MPHOSPH6: variants seen among roughly 807,000 people sequenced by gnomAD.
MPHOSPH6 encodes the protein M-phase phosphoprotein 6.
In MPHOSPH6, 25 loss-of-function variants were observed where a neutral mutation model predicts 21.8. The ratio of observed to expected loss-of-function variants is 1.15; its 90% CI spans 0.83 to 1.60. The LOEUF is 1.60. Ranked by LOEUF, MPHOSPH6 falls within the 40% of genes most tolerant of loss-of-function variation. The pLI is 0.00. For missense variants in MPHOSPH6, 269 were observed against 181.8 expected (o/e 1.48, Z -2.76); for synonymous variants, 84 against 56.5 (o/e 1.49, Z -2.18).
At position 82,155,857 on chromosome 16, in the gene MPHOSPH6, A is replaced by G. The variant is rs569525099; in HGVS notation, c.165-4343T>C. On this transcript the variant is annotated intron_variant, in intron 2 of 4. Coordinates refer to ENST00000258169, the MANE Select transcript of MPHOSPH6 (RefSeq NM_005792.2). ...GAGGTGGAGGTTGCGGTGAGCCAAG[A>G]TTGCGCCACTGCACTCCAGCCTGGG... Among the ~76,000 whole-genome samples the G allele has an allele frequency of 1.4e-4, 21 of 151,736 alleles. No individual in the cohort carries two copies. The South Asian group carries it at 4.4e-3, about 32-fold the overall frequency.
At chr16:82,165,512 A>T (rs1906745280) in intron 1 of MPHOSPH6, among the ~76,000 whole-genome samples, 1 of 152,222 alleles carries the variant, frequency 6.6e-6, no homozygotes, top group African/African-American at 2.4e-5. Flanking sequence ...CTACTAAGTT[A>T]AATGAAAAAA....
At chr16:82,168,813 A>C (rs1035961294) in intron 1 of MPHOSPH6, among the ~76,000 whole-genome samples, 1 of 152,132 alleles carries the variant, frequency 6.6e-6, no homozygotes, top group African/African-American at 2.4e-5. Context: ...CCTCTTTTGG[A>C]AATTCCACCT....
intron 2 of MPHOSPH6, among the ~76,000 whole-genome samples, chr16:82,163,585 G>A (rs1251737901): frequency 6.6e-6 from 1 of 152,220 alleles, no homozygotes; most frequent in Non-Finnish European, 1.5e-5. Context: ...CAGATGTAAA[G>A]TGTTTAGCCC....
chr16:82,156,354 G>A (rs111773748), intron 2 of MPHOSPH6, among the ~76,000 whole-genome samples: 113 of 152,186 alleles, frequency 7.4e-4, no homozygotes, highest in African/African-American at 2.6e-3. Context: ...GCAACTTACT[G>A]CATCAAAAAT....
intron 3 of MPHOSPH6, among the ~76,000 whole-genome samples, chr16:82,150,596 A>C (rs6420435): frequency 0.84 from 127,864 of 151,770 alleles, 54,264 homozygotes; most frequent in African/African-American, 0.95. Flanking sequence ...GAACCTGTGA[A>C]AATGTCTGGA....
At chr16:82,153,685 C>A (rs1351068854) in intron 2 of MPHOSPH6, among the ~76,000 whole-genome samples, 1 of 152,178 alleles carries the variant, frequency 6.6e-6, no homozygotes, top group Non-Finnish European at 1.5e-5. Flanking sequence ...TGAAGCTGCA[C>A]ATGTGCAGGA....
At chr16:82,169,961 G>A in intron 1 of MPHOSPH6, 164 bp downstream of exon 1, 2 of 805,926 alleles carry the variant, frequency 2.5e-6, no homozygotes, top group Admixed American at 4.1e-5. Flanking sequence ...CTGGTTCCCA[G>A]TAAACAGTGC....
intron 2 of MPHOSPH6, among the ~76,000 whole-genome samples, chr16:82,154,860 A>G (rs1172744635): frequency 5.9e-5 from 9 of 152,292 alleles, no homozygotes; most frequent in Non-Finnish European, 1.5e-5. Flanking sequence ...AGAACTAAGA[A>G]GAGGAGGTAG....
intron 1 of MPHOSPH6, among the ~76,000 whole-genome samples, chr16:82,165,794 C>T (rs765770036): frequency 2.8e-5 from 1 of 36,360 alleles, no homozygotes; most frequent in Non-Finnish European, 1.0e-4. Context: ...TCCAGGTTTG[C>T]GTAGATGAAC....
At position 82,149,329 on chromosome 16, in the gene MPHOSPH6, T is replaced by C; in HGVS notation, c.330A>G (p.Ser110=). 6.2e-7 allele frequency: 1 copy of C among 1,613,376 alleles called. No homozygotes were observed. The highest frequency in any genetic ancestry group is 8.5e-7 in the Non-Finnish European group (1 of 1,180,018). The change falls in exon 4 of 5, where the codon TCA becomes TCG. Residue 110 remains serine, a synonymous_variant. Coordinates refer to ENST00000258169, the MANE Select transcript of MPHOSPH6 (RefSeq NM_005792.2). ...VEDETVELDV[S]DEEMARRYET... is the part of the protein sequence containing the mutation. ...GTTACCTTCTAGCCATCTCTTCATCTGACACATCAAGCTCTACTGTTTCAT... is the reference window on the plus strand; with the variant it reads ...GTTACCTTCTAGCCATCTCTTCATCCGACACATCAAGCTCTACTGTTTCAT...
intron 2 of MPHOSPH6, among the ~76,000 whole-genome samples, chr16:82,160,440 G>A (rs575124770): frequency 6.6e-6 from 1 of 152,264 alleles, no homozygotes; most frequent in Admixed American, 6.5e-5. Context: ...CACATTTTTT[G>A]AGTGAGGCAC....
chr16:82,154,867 G>A (rs939510095), intron 2 of MPHOSPH6, among the ~76,000 whole-genome samples: 1 of 152,098 alleles, frequency 6.6e-6, no homozygotes, highest in Non-Finnish European at 1.5e-5. Context: ...AGAAGAGGAG[G>A]TAGGAACACT....
At position 82,148,510 on chromosome 16, in the gene MPHOSPH6, A is replaced by T; in HGVS notation, c.*221T>A. 2.1e-6 allele frequency: 1 copy of T among 476,956 alleles called. No homozygotes were observed. The highest frequency in any genetic ancestry group is 3.5e-6 in the Non-Finnish European group (1 of 286,444). 29.5% of individuals were successfully genotyped at this position (476,956 alleles called of 1,614,324 possible). A position where few individuals can be genotyped will look rare whatever the true frequency, so the allele number is the denominator to read the frequency against. Reference sequence around the variant, plus strand: ...CAGCCCTGTAACAATGTACATTTGTAGATCAGGGGCTAAAAATCCACTCTG... The same window carrying T: ...CAGCCCTGTAACAATGTACATTTGTTGATCAGGGGCTAAAAATCCACTCTG... On this transcript the variant is annotated 3_prime_UTR_variant, in exon 5 of 5. Transcript: ENST00000258169.
intron 2 of MPHOSPH6, among the ~76,000 whole-genome samples, chr16:82,155,631 C>A (rs188708896): frequency 6.6e-6 from 1 of 152,246 alleles, no homozygotes; most frequent in East Asian, 1.9e-4. Flanking sequence ...TTAATAGGTG[C>A]AGTGGCTCAT....
intron 1 of MPHOSPH6, among the ~76,000 whole-genome samples, chr16:82,168,883 TCA>T (rs977864015): frequency 6.6e-6 from 1 of 152,196 alleles, no homozygotes; most frequent in Non-Finnish European, 1.5e-5. Flanking sequence ...GTGACAGGCA[TCA>T]CAGAGTACAG....
At chr16:82,164,046 C>A (rs1442010095) in intron 2 of MPHOSPH6, 36 bp downstream of exon 2, 1 of 1,407,344 alleles carries the variant, frequency 7.1e-7, no homozygotes, top group African/African-American at 1.4e-5. Flanking sequence ...TTCTGAATGC[C>A]ACAAGCATCA....
At chr16:82,156,679 T>A (rs1906437807) in intron 2 of MPHOSPH6, among the ~76,000 whole-genome samples, 1 of 152,114 alleles carries the variant, frequency 6.6e-6, no homozygotes, top group African/African-American at 2.4e-5. Context: ...AGTCTGAAAA[T>A]TTCTGTTAAA....
intron 1 of MPHOSPH6, among the ~76,000 whole-genome samples, chr16:82,168,852 A>G (rs1308193995): frequency 6.6e-6 from 1 of 152,094 alleles, no homozygotes; most frequent in Admixed American, 6.5e-5. Flanking sequence ...ACAGTTTGCT[A>G]CTCTCTAGAA....
intron 1 of MPHOSPH6, chr16:82,165,002 A>G (rs2142417839): frequency 6.6e-6 from 1 of 152,184 alleles, no homozygotes; most frequent in East Asian, 1.9e-4. Context: ...AAATATCAAC[A>G]CTGGAGAAAA....
Sources: allele counts gnomAD v4.1 joint callset (sites outside exome capture counted in the v4.1 genomes callset), GRCh38; gene constraint gnomAD v4.1.1; transcripts MANE v1.5; gene names NCBI Gene and HGNC (gene_info 2026-07-23, HGNC 2026-07-21).